The following TMEM248 variants were observed in gnomAD, a reference collection of about 807,000 sequenced individuals.
TMEM248 encodes the protein UPF0458 protein C7orf42.
In TMEM248, 9 loss-of-function variants were observed where a neutral mutation model predicts 30.3. The observed-to-expected ratio is 0.30, with a 90% CI of 0.18 to 0.52. TMEM248 has a LOEUF of 0.52. Ranked by LOEUF, TMEM248 falls within the 20% of genes least tolerant of loss-of-function variation. The pLI is 0.97. For synonymous variants in TMEM248, 184 were observed against 154.4 expected (o/e 1.19, Z -1.42); for missense variants, 338 against 403.3 (o/e 0.84, Z 1.39).
intron 1 of TMEM248, among the ~76,000 whole-genome samples, chr7:66,928,026 C>T (rs1584395941): frequency 6.6e-6 from 1 of 152,084 alleles, no homozygotes; most frequent in East Asian, 1.9e-4. Flanking sequence ...ACCAGCCTGA[C>T]CAGCTTGGTG....
At chr7:66,938,551 G>T (rs530796865) in intron 1 of TMEM248, among the ~76,000 whole-genome samples, 120 of 152,012 alleles carry the variant, frequency 7.9e-4, no homozygotes, top group Non-Finnish European at 1.5e-3. Flanking sequence ...CTCTATCGTC[G>T]AAGCTGAAGT....
intron 2 of TMEM248, among the ~76,000 whole-genome samples, chr7:66,944,127 C>T (rs1792035341): frequency 9.2e-6 from 1 of 108,454 alleles, no homozygotes; most frequent in Non-Finnish European, 1.8e-5. Context: ...TTTTTTGAGA[C>T]AGAGTCTCAC....
At chr7:66,924,529 T>G (rs562206251) in intron 1 of TMEM248, among the ~76,000 whole-genome samples, 2 of 152,212 alleles carry the variant, frequency 1.3e-5, no homozygotes, top group African/African-American at 4.8e-5. Flanking sequence ...CTCAGCCTCT[T>G]GAGTAGCTGG....
At position 66,921,407 on chromosome 7, in the gene TMEM248, C is replaced by T. The variant is rs544565640; in HGVS notation, c.-73C>T. ...TGAGCCCAGCGCGACCGCGGGCGTCCGCCGAGCAGCTGGCCCGGCTGGGCC... is the reference window on the plus strand; with the variant it reads ...TGAGCCCAGCGCGACCGCGGGCGTCTGCCGAGCAGCTGGCCCGGCTGGGCC... On this transcript the variant is annotated 5_prime_UTR_variant, in exon 1 of 7. Coordinates refer to ENST00000341567, the MANE Select transcript of TMEM248 (RefSeq NM_017994.5). 6.7e-6 allele frequency: 1 copy of T among 149,870 alleles called. No individual in the cohort carries two copies. The highest frequency in any genetic ancestry group is 2.1e-4 in the South Asian group (1 of 4,818). The allele number at this position is 149,870 out of a possible 1,614,324, so 9.3% of individuals were successfully genotyped here.
At chr7:66,929,323 A>G (rs1791606813) in intron 1 of TMEM248, among the ~76,000 whole-genome samples, 1 of 151,600 alleles carries the variant, frequency 6.6e-6, no homozygotes, top group Non-Finnish European at 1.5e-5. Context: ...CTCAAAAAGT[A>G]GGCAATGACG....
At chr7:66,939,721 T>G (rs145823653) in intron 1 of TMEM248, among the ~76,000 whole-genome samples, 2,126 of 151,904 alleles carry the variant, frequency 0.014, 54 homozygotes, top group East Asian at 0.09. Context: ...ATAATTGTGC[T>G]CTTGGTTGAT....
At position 66,922,957 on chromosome 7, in the gene TMEM248, C is replaced by T. The variant is rs144739637; in HGVS notation, c.-19+1496C>T. Among the ~76,000 whole-genome samples the T allele has an allele frequency of 9.2e-5, 14 of 152,102 alleles. No homozygotes were observed. The East Asian group carries it at 2.5e-3, about 27-fold the overall frequency. Reference sequence around the variant, plus strand: ...CTGACCTCAGGTGATCCATCCTCCTCGGCCTCCCAAAGTTCTGGAATTATA... The same window carrying T: ...CTGACCTCAGGTGATCCATCCTCCTTGGCCTCCCAAAGTTCTGGAATTATA... On this transcript the variant is annotated intron_variant, in intron 1 of 6. Transcript: ENST00000341567.
At chr7:66,935,804 A>T (rs1012597151) in intron 1 of TMEM248, among the ~76,000 whole-genome samples, 12 of 152,138 alleles carry the variant, frequency 7.9e-5, no homozygotes, top group African/African-American at 2.9e-4. Context: ...TTGGCCTCCC[A>T]AAGTGCTGGG....
chr7:66,943,795 CT>C (rs200837017), intron 2 of TMEM248, among the ~76,000 whole-genome samples: 5,672 of 144,602 alleles, frequency 0.039, 159 homozygotes, highest in East Asian at 0.097. Context: ...GCTCAGATGA[CT>C]TTTTTTTTTT....
At chr7:66,935,554 C>CT (rs1227616610) in intron 1 of TMEM248, among the ~76,000 whole-genome samples, 1 of 151,668 alleles carries the variant, frequency 6.6e-6, no homozygotes, top group African/African-American at 2.4e-5. Flanking sequence ...AGTTTTTATA[C>CT]TTTTTTGAAA....
intron 4 of TMEM248, among the ~76,000 whole-genome samples, chr7:66,949,828 G>C (rs1269644004): frequency 6.6e-6 from 1 of 150,978 alleles, no homozygotes; most frequent in Non-Finnish European, 1.5e-5. Context: ...GGTTTTTTTT[G>C]GTCTCTCCTG....
chr7:66,955,724 T>G lies in TMEM248; in HGVS notation c.*202T>G. On this transcript the variant is annotated 3_prime_UTR_variant, in exon 7 of 7. Transcript: ENST00000341567. ...AAATTGGTCCAATAATGCACGTGCT[T>G]TGCCCTGGGTACAGCCAGAGCCCTT... The G allele has an allele frequency of 1.6e-6, 1 of 635,200 alleles. No individual in the cohort carries two copies. Among genetic ancestry groups the G allele is most frequent in the Non-Finnish European group, 2.6e-6 (1 of 384,936 alleles). 39.3% of individuals were successfully genotyped at this position (635,200 alleles called of 1,614,324 possible).
At chr7:66,936,380 A>AC (rs1791805120) in intron 1 of TMEM248, among the ~76,000 whole-genome samples, 1 of 152,172 alleles carries the variant, frequency 6.6e-6, no homozygotes, top group Admixed American at 6.6e-5. Context: ...CATATGTTGA[A>AC]CCATCCTTGC....
chr7:66,946,762 C>T (rs1237746908), intron 3 of TMEM248, among the ~76,000 whole-genome samples: 1 of 152,208 alleles, frequency 6.6e-6, no homozygotes, highest in Non-Finnish European at 1.5e-5. Flanking sequence ...ATGTGGAGCA[C>T]TGCCCTTTGA....
intron 3 of TMEM248, among the ~76,000 whole-genome samples, chr7:66,947,328 G>C (rs1410062629): frequency 6.6e-6 from 1 of 152,026 alleles, no homozygotes; most frequent in Non-Finnish European, 1.5e-5. Flanking sequence ...AATAATCAAG[G>C]TATGGGTGAC....
intron 4 of TMEM248, 127 bp from the exon 5 acceptor site, chr7:66,950,825 G>A: frequency 1.5e-6 from 1 of 649,768 alleles, no homozygotes; most frequent in Non-Finnish European, 2.4e-6. Flanking sequence ...GCATGAACGT[G>A]TAAGTTACAT....
In TMEM248 at chr7:66,957,157, T is replaced by A. The variant is rs1435938961; in HGVS notation, c.*1635T>A. On this transcript the variant is annotated 3_prime_UTR_variant, in exon 7 of 7. Coordinates refer to ENST00000341567, the MANE Select transcript of TMEM248 (RefSeq NM_017994.5). ...ATAACTTCTGTGTTCTCCCAGGCAG[T>A]GTTATAACAGAAGGGCAATGAAAAC... 1 of 152,668 alleles carries A rather than the reference T, an allele frequency of 6.6e-6. No homozygotes were observed. The highest frequency in any genetic ancestry group is 2.4e-5 in the African/African-American group (1 of 41,464). The allele number at this position is 152,668 out of a possible 1,614,324, so 9.5% of individuals were successfully genotyped here. A position where few individuals can be genotyped will look rare whatever the true frequency, so the allele number is the denominator to read the frequency against.
intron 1 of TMEM248, among the ~76,000 whole-genome samples, chr7:66,935,793 C>A (rs1791786730): frequency 6.6e-6 from 1 of 152,194 alleles, no homozygotes; most frequent in African/African-American, 2.4e-5. Flanking sequence ...ATCCACCTGC[C>A]TTGGCCTCCC....
intron 4 of TMEM248, among the ~76,000 whole-genome samples, chr7:66,950,034 A>G (rs1249921642): frequency 1.3e-5 from 2 of 152,082 alleles, no homozygotes; most frequent in Non-Finnish European, 2.9e-5. Flanking sequence ...CTGATATAGA[A>G]TTTTGTAGGT....
Sources: allele counts gnomAD v4.1 joint callset (sites outside exome capture counted in the v4.1 genomes callset), GRCh38; gene constraint gnomAD v4.1.1; transcripts MANE v1.5; gene names NCBI Gene and HGNC (gene_info 2026-07-23, HGNC 2026-07-21).